The following CDYL variants were observed in gnomAD, a reference collection of about 807,000 sequenced individuals.
The protein encoded by CDYL is chromodomain Y like.
Under a neutral mutation model 47.3 loss-of-function variants are expected in CDYL, and 8 were observed. The observed-to-expected ratio is 0.17, with a 90% CI of 0.10 to 0.31. CDYL has a LOEUF of 0.31. CDYL is among the 10% of genes least tolerant of loss of function. The pLI is 1.00. For missense variants in CDYL, 471 were observed against 701.4 expected (o/e 0.67, Z 3.71); for synonymous variants, 266 against 265.0 (o/e 1.00, Z -0.04).
rs370248331 is a variant in CDYL at position 4,897,276 on chromosome 6, T to C, written c.691+4897T>C. Among the ~76,000 whole-genome samples, 151 of 152,352 alleles carry C rather than the reference T, an allele frequency of 9.9e-4. 1 individual carries two copies. Among genetic ancestry groups the C allele is most frequent in the South Asian group, 1.9e-3 (9 of 4,828 alleles). On this transcript the variant is annotated intron_variant, in intron 2 of 6. Transcript: ENST00000397588. ...CAAATAGGTGTAAACCTTATCAGTGTTGTGACATAGGGTTGGCTTTTGGAT... is the reference window on the plus strand; with the variant it reads ...CAAATAGGTGTAAACCTTATCAGTGCTGTGACATAGGGTTGGCTTTTGGAT...
chr6:4,815,336 AT>A (rs1485541105), intron 1 of CDYL, among the ~76,000 whole-genome samples: 3 of 152,194 alleles, frequency 2.0e-5, no homozygotes, highest in African/African-American at 4.8e-5. Flanking sequence ...ACTTAAGAAT[AT>A]TTTGTATGTC....
intron 1 of CDYL, among the ~76,000 whole-genome samples, chr6:4,808,431 G>C (rs1561647603): frequency 6.6e-6 from 1 of 152,168 alleles, no homozygotes; most frequent in Non-Finnish European, 1.5e-5. Flanking sequence ...ATACTCCGCT[G>C]TCTGTAATAC....
chr6:4,710,575 G>A (rs1165451347), intron 1 of CDYL, among the ~76,000 whole-genome samples: 1 of 152,036 alleles, frequency 6.6e-6, no homozygotes, highest in Non-Finnish European at 1.5e-5. Context: ...GAGGGAGGGA[G>A]GAACCCAGTG....
intron 1 of CDYL, among the ~76,000 whole-genome samples, chr6:4,838,701 T>A (rs1760397500): frequency 3.3e-5 from 5 of 152,150 alleles, no homozygotes; most frequent in African/African-American, 1.2e-4. Flanking sequence ...TCCTTTTTTT[T>A]TTTGAGACAG....
intron 2 of CDYL, among the ~76,000 whole-genome samples, chr6:4,729,747 GTCTCT>G (rs1757572870): frequency 6.6e-6 from 1 of 152,118 alleles, no homozygotes; most frequent in African/African-American, 2.4e-5. Flanking sequence ...GTGAAATCCT[GTCTCT>G]ACAAAAAATA....
At chr6:4,819,160 C>G (rs911197110) in intron 1 of CDYL, among the ~76,000 whole-genome samples, 1,681 of 123,916 alleles carry the variant, frequency 0.014, 44 homozygotes, top group African/African-American at 0.066. Flanking sequence ...CTCTCTCTCT[C>G]TCTGTGTGTG....
intron 2 of CDYL, chr6:4,724,405 GC>G (rs1276334897): frequency 6.6e-6 from 1 of 152,182 alleles, no homozygotes; most frequent in Non-Finnish European, 1.5e-5. Flanking sequence ...ACATGTCAGG[GC>G]TTACCTTGAT....
intron 2 of CDYL, among the ~76,000 whole-genome samples, chr6:4,933,152 G>A (rs998682215): frequency 6.6e-6 from 1 of 152,150 alleles, no homozygotes; most frequent in African/African-American, 2.4e-5. Context: ...GCACTTCCCA[G>A]CTGGCTTCAG....
chr6:4,819,812 TGGGTAGA>T (rs1759782899), intron 1 of CDYL, among the ~76,000 whole-genome samples: 1 of 152,090 alleles, frequency 6.6e-6, no homozygotes, highest in Non-Finnish European at 1.5e-5. Flanking sequence ...TGGCATCTTA[TGGGTAGA>T]GGCCAGGGAT....
At chr6:4,753,861 G>A (rs765610456) in intron 3 of CDYL, among the ~76,000 whole-genome samples, 10 of 152,136 alleles carry the variant, frequency 6.6e-5, no homozygotes, top group Non-Finnish European at 1.5e-4. Context: ...TGGCCACTAG[G>A]AAACTTGGGG....
At chr6:4,919,809 T>C (rs556613321) in intron 2 of CDYL, among the ~76,000 whole-genome samples, 62 of 152,322 alleles carry the variant, frequency 4.1e-4, no homozygotes, top group African/African-American at 1.4e-3. Context: ...CTATTAAATA[T>C]AGCTTCAAAA....
chr6:4,837,729 C>T (rs1760364234), intron 1 of CDYL, among the ~76,000 whole-genome samples: 1 of 151,858 alleles, frequency 6.6e-6, no homozygotes, highest in Admixed American at 6.6e-5. Flanking sequence ...TCCCAAAGTG[C>T]TGGGCTTACA....
chr6:4,844,503 G>A (rs1325482340), intron 1 of CDYL, among the ~76,000 whole-genome samples: 2 of 152,184 alleles, frequency 1.3e-5, no homozygotes, highest in East Asian at 1.9e-4. Context: ...AAGTTAAGGA[G>A]GTGAGTCCCC....
intron 2 of CDYL, among the ~76,000 whole-genome samples, chr6:4,930,471 G>A (rs1048654681): frequency 2.6e-5 from 4 of 152,160 alleles, no homozygotes; most frequent in Non-Finnish European, 4.4e-5. Context: ...AGCTGCTTTC[G>A]GTGGAAAGGC....
intron 1 of CDYL, among the ~76,000 whole-genome samples, 163 bp from the exon 2 acceptor site, chr6:4,891,550 G>T (rs1762039858): frequency 6.6e-6 from 1 of 152,168 alleles, no homozygotes; most frequent in Middle Eastern, 3.2e-3. Flanking sequence ...CAGGGAAATT[G>T]TCCACAACCC....
intron 5 of CDYL, among the ~76,000 whole-genome samples, chr6:4,949,626 C>A (rs1758636046): frequency 6.6e-6 from 1 of 152,258 alleles, no homozygotes; most frequent in Non-Finnish European, 1.5e-5. Context: ...TCAGCCATCT[C>A]AGAGCAACGT....
intron 2 of CDYL, among the ~76,000 whole-genome samples, chr6:4,721,458 T>A (rs1335417526): frequency 6.6e-6 from 1 of 152,000 alleles, no homozygotes; most frequent in African/African-American, 2.4e-5. Flanking sequence ...TCTCAGCTCA[T>A]TGCAACCTCC....
chr6:4,797,732 A>G (rs1759114828), intron 1 of CDYL, among the ~76,000 whole-genome samples: 1 of 152,208 alleles, frequency 6.6e-6, no homozygotes, highest in Admixed American at 6.5e-5. Flanking sequence ...GAATGTTTCC[A>G]AGGTTTGTGT....
chr6:4,777,471 C>G (rs1310182218), intron 1 of CDYL, among the ~76,000 whole-genome samples: 2 of 152,184 alleles, frequency 1.3e-5, no homozygotes, highest in Admixed American at 1.3e-4. Flanking sequence ...AAACCAGCTT[C>G]AAGTTTGAGA....
Sources: gnomAD v4.1 joint callset for allele counts (sites outside exome capture counted in the v4.1 genomes callset) on GRCh38, gnomAD v4.1.1 for gene constraint, MANE v1.5 for transcripts, NCBI Gene and HGNC (gene_info 2026-07-23, HGNC 2026-07-21) for gene names.